FCHO1: variants seen among roughly 807,000 people sequenced by gnomAD.
The protein encoded by FCHO1 is F-BAR domain only protein 1.
In FCHO1, 45 loss-of-function variants were observed where a neutral mutation model predicts 114.4. The ratio of observed to expected loss-of-function variants is 0.39; its 90% confidence interval spans 0.31 to 0.50. The LOEUF (loss-of-function observed/expected upper bound fraction) is 0.50, where lower values mean the gene tolerates loss of function less well. Among genes scored for constraint, FCHO1 ranks in the 20% least tolerant of loss-of-function variants. The pLI, the probability that FCHO1 is intolerant of heterozygous loss-of-function variation, is 0.77. For synonymous variants in FCHO1, 480 were observed against 488.9 expected (o/e 0.98, Z 0.24); for missense variants, 1,042 against 1,209.6 (o/e 0.86, Z 2.06).
At chr19:17,770,380 C>T (rs2091140051) in intron 7 of FCHO1, 45 bp from the exon 8 acceptor site, 2 of 1,562,804 alleles carry the variant, frequency 1.3e-6, no homozygotes, top group Non-Finnish European at 1.7e-6. Flanking sequence ...TTTGGGAGGT[C>T]AGGAATTTCA....
rs1176521655 is a variant in FCHO1, at chr19:17,776,816, T to C, written c.1259+130T>C. The C allele has an allele frequency of 7.9e-6, 7 of 885,890 alleles. No homozygotes were observed. Among genetic ancestry groups the C allele is most frequent in the African/African-American group, 1.7e-5 (1 of 58,866 alleles). The allele number at this position is 885,890 out of a possible 1,614,324, so 54.9% of individuals were successfully genotyped here. A position where few individuals can be genotyped will look rare whatever the true frequency, so the allele number is the denominator to read the frequency against. On this transcript the variant is annotated intron_variant, in intron 18 of 28. Transcript: ENST00000596536. This position sits in a 1 kb window ranked among gnomAD's most constrained non-coding sequence, Gnocchi z 4.4. Reference sequence around the variant, plus strand: ...ATGCTGGGGTTTTTTTGTTTTTGTTTTTGTTTTGAGACAGAGTCTCACTCT... The same window carrying C: ...ATGCTGGGGTTTTTTTGTTTTTGTTCTTGTTTTGAGACAGAGTCTCACTCT...
In FCHO1 at chr19:17,776,595, C is replaced by A; in HGVS notation, c.1208-40C>A. 1.2e-6 allele frequency: 2 copies of A among 1,610,740 alleles called. No individual in the cohort carries two copies. Among genetic ancestry groups the A allele is most frequent in the Non-Finnish European group, 1.7e-6 (2 of 1,177,168 alleles). On this transcript the variant is annotated intron_variant, in intron 17 of 28. Coordinates refer to ENST00000596536, the MANE Select transcript of FCHO1 (RefSeq NM_015122.3). The surrounding 1 kb of genome is among the most constrained non-coding windows in gnomAD (Gnocchi z 4.4). ...TCTGTGGAGTGGGGAGCATTGCAGGCAGGGTGACAAGAAGGCTGAAGGAGG... is the reference window on the plus strand; with the variant it reads ...TCTGTGGAGTGGGGAGCATTGCAGGAAGGGTGACAAGAAGGCTGAAGGAGG...
chr19:17,771,847 C>G (rs2091677817), intron 9 of FCHO1, among the ~76,000 whole-genome samples: 1 of 151,906 alleles, frequency 6.6e-6, no homozygotes, highest in East Asian at 2.0e-4. Flanking sequence ...TGGGATCTCT[C>G]TGTCACTCAG....
At chr19:17,767,788 G>A (rs1330337294) in intron 7 of FCHO1, among the ~76,000 whole-genome samples, 1 of 152,208 alleles carries the variant, frequency 6.6e-6, no homozygotes, top group Non-Finnish European at 1.5e-5. Context: ...ACAGATTCAA[G>A]TGTTTGTATC....
intron 9 of FCHO1, among the ~76,000 whole-genome samples, chr19:17,771,662 C>CT (rs2091601818): frequency 6.6e-6 from 1 of 151,458 alleles, no homozygotes; most frequent in Non-Finnish European, 1.5e-5. Flanking sequence ...GAGCGAGACT[C>CT]TGTCTCAAAA....
chr19:17,764,876 G>C (rs2146679642), intron 6 of FCHO1, among the ~76,000 whole-genome samples: 1 of 152,002 alleles, frequency 6.6e-6, no homozygotes, highest in East Asian at 1.9e-4. Context: ...GACCAGCCTG[G>C]GCAACATGGT....
At chr19:17,781,972 G>T (rs2093456646) in intron 23 of FCHO1, 152 bp downstream of exon 23, 1 of 489,390 alleles carries the variant, frequency 2.0e-6, no homozygotes, top group Admixed American at 4.0e-5. Context: ...GAGGGCAGTG[G>T]AGCCATAGGA....
chr19:17,755,803 C>T (rs2083286041), intron 4 of FCHO1, among the ~76,000 whole-genome samples: 1 of 152,170 alleles, frequency 6.6e-6, no homozygotes, highest in Admixed American at 6.5e-5. Context: ...CTGGGGGACC[C>T]AGAGCCAGCT....
At chr19:17,778,065 T>C in intron 18 of FCHO1, 72 bp from the exon 19 acceptor site, 6 of 1,060,970 alleles carry the variant, frequency 5.7e-6, no homozygotes, top group Non-Finnish European at 8.6e-6. Context: ...GGGAACAGCA[T>C]GTGCAAAGGC....
rs781131886 is a variant in FCHO1 at position 17,775,953 on chromosome 19, G to T, written c.1004-30G>T. Reference sequence around the variant, plus strand: ...GCTGACTGGGGGAAAGCTTGTGTTGGGATTGGCTTGGACCTTGACTGCAGC... The same window carrying T: ...GCTGACTGGGGGAAAGCTTGTGTTGTGATTGGCTTGGACCTTGACTGCAGC... On this transcript the variant is annotated intron_variant, in intron 15 of 28. Transcript: ENST00000596536. This position sits in a 1 kb window ranked among gnomAD's most constrained non-coding sequence, Gnocchi z 5.1. The T allele has an allele frequency of 1.3e-6, 2 of 1,598,174 alleles. No individual in the cohort carries two copies. The highest frequency in any genetic ancestry group is 1.7e-6 in the Non-Finnish European group (2 of 1,175,706).
intron 12 of FCHO1, 27 bp from the exon 13 acceptor site, chr19:17,774,367 C>G (rs1242939286): frequency 6.2e-7 from 1 of 1,613,132 alleles, no homozygotes; most frequent in Admixed American, 1.7e-5. Context: ...GCTCACAGTG[C>G]TCAGGTGCCC....
chr19:17,778,684 G>T lies in FCHO1; in HGVS notation c.1427G>T (p.Gly476Val), dbSNP rs761258721. ...TCGCCCGAAAACGTGGAGGATTCCG[G>T]CCTGGACTCTCCGTCCCACGCGGCA... The part of the protein sequence containing the change: ...SSSPENVEDS[G>V]LDSPSHAAPG... Residue 476 changes from glycine (G) to valine (V), a missense_variant, in exon 20 of 29, where the codon GGC becomes GTC. By Grantham distance (109) the Gly-to-Val change is moderately radical. This residue lies in a region of FCHO1 where 455 missense variants were observed against 455.4 expected (regional missense o/e 1.00). Coordinates refer to ENST00000596536, the MANE Select transcript of FCHO1 (RefSeq NM_015122.3). 1.3e-6 allele frequency: 2 copies of T among 1,563,950 alleles called. No homozygotes were observed. Among genetic ancestry groups the T allele is most frequent in the Admixed American group, 1.8e-5 (1 of 55,366 alleles).
Position 17,781,466 on chromosome 19 carries a change from C to T in FCHO1, c.1755C>T (p.Ser585=), listed in dbSNP as rs1203099012. The change falls in exon 22 of 29, where the codon AGC becomes AGT. Residue 585 remains serine, a synonymous_variant. Coordinates refer to ENST00000596536, the MANE Select transcript of FCHO1 (RefSeq NM_015122.3). ...RSNGDLSRSL[S]PSPLGSSAAS... ...TTCCCTTCCAGTCTCGTTCCCTGAG[C>T]CCCTCCCCACTGGGCTCTTCAGCCG... 1 of 1,613,964 alleles carries T rather than the reference C, an allele frequency of 6.2e-7. No individual in the cohort carries two copies. Among genetic ancestry groups the T allele is most frequent in the African/African-American group, 1.3e-5 (1 of 74,900 alleles).
At chr19:17,769,899 C>T (rs913931027) in intron 7 of FCHO1, among the ~76,000 whole-genome samples, 3 of 152,002 alleles carry the variant, frequency 2.0e-5, no homozygotes, top group African/African-American at 7.3e-5. Context: ...CGTAGTGGCT[C>T]ACACCTGTAA....
rs775109961 is a variant in FCHO1, at chr19:17,772,752, G to A, written c.790+11G>A. 6.2e-6 allele frequency: 10 copies of A among 1,610,234 alleles called. No homozygotes were observed. The highest frequency in any genetic ancestry group is 8.5e-6 in the Non-Finnish European group (10 of 1,176,502). On this transcript the variant is annotated intron_variant, in intron 11 of 28. Coordinates refer to ENST00000596536, the MANE Select transcript of FCHO1 (RefSeq NM_015122.3). ...GCCGGGAGAAGCCTGGTGAGTCAGG[G>A]CAGCCATTGGGGGTCGGGCTTCGGG...
rs2083008064 is a variant in FCHO1 at position 17,755,113 on chromosome 19, T to G, written c.-47-5T>G. 2 of 1,586,704 alleles carry G rather than the reference T, an allele frequency of 1.3e-6. No homozygotes were observed. Among genetic ancestry groups the G allele is most frequent in the South Asian group, 2.2e-5 (2 of 90,584 alleles). On this transcript the variant is annotated splice_region_variant and splice_polypyrimidine_tract_variant and intron_variant, in intron 3 of 28. Transcript: ENST00000596536. ...TCTGTAGCTCAAACTTGCCTCTCTC[T>G]TCAGACAGGCACTGGACGGGGCCTG...
At position 17,751,963 on chromosome 19, in the gene FCHO1, G is replaced by A. The variant is rs1350051240; in HGVS notation, c.-183+386G>A. Among the ~76,000 whole-genome samples the A allele has an allele frequency of 6.6e-6, 1 of 152,250 alleles. No homozygotes were observed. The highest frequency in any genetic ancestry group is 1.5e-5 in the Non-Finnish European group (1 of 68,046). ...TGAGGGCATGGCATGAAGATTGGAT[G>A]AGCAGATGCGTGTGAATAGTTGGGT... is the stretch of plus-strand genomic sequence containing the variant. On this transcript the variant is annotated intron_variant, in intron 1 of 28. Coordinates refer to ENST00000596536, the MANE Select transcript of FCHO1 (RefSeq NM_015122.3). The surrounding 1 kb of genome is among the most constrained non-coding windows in gnomAD (Gnocchi z 4.4).
In FCHO1 at chr19:17,770,541, G is replaced by T. The variant is rs746554972; in HGVS notation, c.453G>T (p.Leu151=). The T allele has an allele frequency of 6.2e-7, 1 of 1,613,618 alleles. No homozygotes were observed. Among genetic ancestry groups the T allele is most frequent in the East Asian group, 2.2e-5 (1 of 44,878 alleles). Residue 151 remains leucine, a synonymous_variant, in exon 8 of 29, where the codon CTG becomes CTT. Coordinates refer to ENST00000596536, the MANE Select transcript of FCHO1 (RefSeq NM_015122.3). ...ACCGTTGCATGGACCAGGAGCGGCT[G>T]CGGAGGGAGAGTACCAGCCAGAAGG... ...YLNRCMDQER[L]RRESTSQKEM... is the part of the protein sequence containing the mutation.
At chr19:17,768,833 C>G (rs2090375019) in intron 7 of FCHO1, among the ~76,000 whole-genome samples, 1 of 151,890 alleles carries the variant, frequency 6.6e-6, no homozygotes, top group African/African-American at 2.4e-5. Flanking sequence ...CTGTGCCTGG[C>G]CAGGAGTGAA....
Sources: allele counts gnomAD v4.1 joint callset (sites outside exome capture counted in the v4.1 genomes callset), GRCh38; gene constraint gnomAD v4.1.1; regional missense constraint gnomAD v4.1.1; non-coding constraint Gnocchi (gnomAD v3.1); transcripts MANE v1.5; gene names NCBI Gene and HGNC (gene_info 2026-07-23, HGNC 2026-07-21).